Variants in DIAPH2 observed in about 807,000 individuals in gnomAD.
DIAPH2 encodes diaphanous related formin 2, also known as protein diaphanous homolog 2.
DIAPH2 carries 35 observed loss-of-function variants against 92.7 expected under a neutral mutation model. That is an observed-to-expected ratio of 0.38 (90% CI 0.29 to 0.50). The LOEUF (loss-of-function observed/expected upper bound fraction) is 0.50. Ranked by LOEUF, DIAPH2 falls within the 20% of genes least tolerant of loss-of-function variation. The pLI, the probability that DIAPH2 is intolerant of heterozygous loss-of-function variation, is 0.94. For missense variants in DIAPH2, 701 were observed against 819.5 expected (o/e 0.86, Z 1.77); for synonymous variants, 301 against 280.4 (o/e 1.07, Z -0.73).
chrX:97,509,012 G>GCTAT (rs2070858835), intron 26 of DIAPH2, among the ~76,000 whole-genome samples: 1 of 90,432 alleles, frequency 1.1e-5, no homozygotes, highest in Admixed American at 1.3e-4. Context: ...AGCATACAAA[G>GCTAT]TTATTTATTT....
chrX:96,773,245 C>G lies in DIAPH2; in HGVS notation c.447+14987C>G, dbSNP rs187614513. ...TTACCGGCTGAATTGTTTCCCCCCC[C>G]CTCCCGCCCTCCCCAAATTTGTATG... On this transcript the variant is annotated intron_variant, in intron 4 of 26. Transcript: ENST00000324765. Among the ~76,000 whole-genome samples the G allele has an allele frequency of 1.2e-3, 101 of 86,120 alleles. 2 individuals are homozygous for G. The East Asian group carries it at 0.033, about 29-fold the overall frequency. The allele number at this position is 86,120 out of a possible 115,157, so 74.8% of individuals were successfully genotyped here.
chrX:97,494,506 C>A (rs1031232776), intron 26 of DIAPH2, among the ~76,000 whole-genome samples: 4 of 111,344 alleles, frequency 3.6e-5, no homozygotes, highest in Non-Finnish European at 7.5e-5. Context: ...TTGTGTATTA[C>A]GATTTAATTT....
At chrX:97,293,055 A>G (rs1427122858) in intron 23 of DIAPH2, among the ~76,000 whole-genome samples, 1 of 110,218 alleles carries the variant, frequency 9.1e-6, no homozygotes, top group Non-Finnish European at 1.9e-5. Flanking sequence ...ATGAATAATA[A>G]CATGAAAGTG....
intron 21 of DIAPH2, among the ~76,000 whole-genome samples, chrX:97,118,903 T>C (rs1452981636): frequency 8.9e-6 from 1 of 112,624 alleles, no homozygotes. Flanking sequence ...ACTTACCTTC[T>C]CTAAATCTCA....
intron 4 of DIAPH2, among the ~76,000 whole-genome samples, chrX:96,842,129 C>T (rs192236997): frequency 3.5e-4 from 39 of 111,968 alleles, no homozygotes; most frequent in Middle Eastern, 4.7e-3. Flanking sequence ...TGACACTTTC[C>T]TGCCTCTGTT....
intron 26 of DIAPH2, among the ~76,000 whole-genome samples, chrX:97,454,211 A>T (rs888113154): frequency 8.1e-5 from 9 of 111,378 alleles, no homozygotes; most frequent in African/African-American, 2.6e-4. Context: ...AATGGGAAAC[A>T]GCATACATAC....
chrX:97,445,478 T>C (rs1348163175), intron 26 of DIAPH2, among the ~76,000 whole-genome samples: 1 of 110,538 alleles, frequency 9.0e-6, no homozygotes, highest in Non-Finnish European at 1.9e-5. Context: ...AGTGCAGTGG[T>C]GCGATCTTGG....
intron 22 of DIAPH2, among the ~76,000 whole-genome samples, chrX:97,185,506 T>C (rs1238540236): frequency 1.1e-4 from 7 of 61,859 alleles, no homozygotes; most frequent in Non-Finnish European, 1.7e-4. Flanking sequence ...TATATATATA[T>C]ATATATATAT....
intron 23 of DIAPH2, among the ~76,000 whole-genome samples, chrX:97,279,477 T>C (rs1273176488): frequency 1.8e-5 from 2 of 109,958 alleles, no homozygotes; most frequent in Non-Finnish European, 3.8e-5. Flanking sequence ...CTAATTTTTG[T>C]ATTTTTGGTA....
intron 23 of DIAPH2, among the ~76,000 whole-genome samples, chrX:97,300,966 G>GAAAAAAAAAAAAAAAAAA (rs2068697171): frequency 6.4e-5 from 1 of 15,581 alleles, no homozygotes; most frequent in African/African-American, 1.7e-4. Flanking sequence ...AAAAAAAAAA[G>GAAAAAAAAAAAAAAAAAA]AAGAAGAAGA....
At chrX:96,879,577 T>C (rs1233574234) in intron 4 of DIAPH2, among the ~76,000 whole-genome samples, 1 of 111,259 alleles carries the variant, frequency 9.0e-6, no homozygotes, top group Non-Finnish European at 1.9e-5. Context: ...AAAACTATAA[T>C]TTTGAATTTG....
chrX:96,974,641 G>A (rs963229979), intron 17 of DIAPH2, among the ~76,000 whole-genome samples: 1 of 111,573 alleles, frequency 9.0e-6, no homozygotes, highest in African/African-American at 3.3e-5. Flanking sequence ...TATCCTGTTA[G>A]TAGCTTTGAA....
intron 4 of DIAPH2, among the ~76,000 whole-genome samples, chrX:96,773,923 C>A (rs1014396356): frequency 1.3e-4 from 15 of 111,524 alleles, no homozygotes; most frequent in Non-Finnish European, 1.9e-5. Context: ...AACAAAACAA[C>A]AAATTTCTGT....
chrX:96,733,804 T>C (rs995943401), intron 1 of DIAPH2, among the ~76,000 whole-genome samples: 8 of 111,356 alleles, frequency 7.2e-5, no homozygotes, highest in African/African-American at 2.6e-4. Context: ...TGCTTGGCTA[T>C]TGGAAATGAA....
intron 4 of DIAPH2, among the ~76,000 whole-genome samples, chrX:96,865,881 A>G (rs564230892): frequency 1.8e-5 from 2 of 112,112 alleles, no homozygotes; most frequent in Non-Finnish European, 3.8e-5. Flanking sequence ...GTACCTAACT[A>G]TGTGTCAGGC....
chrX:96,735,170 A>G (rs1457670313), intron 1 of DIAPH2, among the ~76,000 whole-genome samples: 1 of 111,732 alleles, frequency 8.9e-6, no homozygotes, highest in Non-Finnish European at 1.9e-5. Flanking sequence ...GTTCAATTTT[A>G]TGTTCAAATA....
intron 23 of DIAPH2, among the ~76,000 whole-genome samples, chrX:97,270,520 C>T (rs1374557136): frequency 2.7e-5 from 3 of 111,846 alleles, no homozygotes; most frequent in Non-Finnish European, 5.6e-5. Context: ...GGATGCTATA[C>T]TGCTTCTCCC....
chrX:97,270,284 G>A (rs1033586375), intron 23 of DIAPH2, among the ~76,000 whole-genome samples: 15 of 111,218 alleles, frequency 1.3e-4, no homozygotes, highest in African/African-American at 4.9e-4. Context: ...GGCTGGTCTC[G>A]AACTCCTGAC....
rs2063763994 is a variant in DIAPH2, at chrX:96,685,158, A to G, written c.100A>G (p.Asn34Asp). ...GCGGAGCGCGGGGAACCGGGCCGCC[A>G]ATGAAGAGGAAACGAAAAACAAACC... ...NKRSAGNRAA[N>D]EEETKNKPKL... is the part of the protein sequence containing the mutation. Residue 34 changes from asparagine (N) to aspartate (D), a missense_variant, in exon 1 of 27, where the codon AAT (asparagine) becomes GAT (aspartate). Physicochemically the swap from Asn to Asp is conservative, Grantham distance 23. Transcript: ENST00000324765. The G allele has an allele frequency of 2.0e-6, 2 of 1,009,896 alleles. No individual in the cohort carries two copies. The highest frequency in any genetic ancestry group is 2.0e-5 in the African/African-American group (1 of 50,387). 83.2% of individuals were successfully genotyped at this position (1,009,896 alleles called of 1,213,427 possible). A position where few individuals can be genotyped will look rare whatever the true frequency, so the allele number is the denominator to read the frequency against.
Sources: gnomAD v4.1 joint callset for allele counts (sites outside exome capture counted in the v4.1 genomes callset) on GRCh38, gnomAD v4.1.1 for gene constraint, MANE v1.5 for transcripts, NCBI Gene and HGNC (gene_info 2026-07-23, HGNC 2026-07-21) for gene names.